The following IMMP2L variants were observed in gnomAD, a reference collection of about 807,000 sequenced individuals.
IMMP2L encodes the protein mitochondrial inner membrane protease subunit 2.
A neutral mutation model predicts 19.3 loss-of-function variants in IMMP2L; 18 were observed. That is an observed-to-expected ratio of 0.93 (90% CI 0.64 to 1.38). The LOEUF is 1.38. Ranked by LOEUF, IMMP2L falls within the 40% of genes most tolerant of loss-of-function variation. The pLI is 0.00. For synonymous variants in IMMP2L, 76 were observed against 73.0 expected (o/e 1.04, Z -0.21); for missense variants, 233 against 218.2 (o/e 1.07, Z -0.43).
At chr7:111,450,637 A>C (rs1839042071) in intron 3 of IMMP2L, among the ~76,000 whole-genome samples, 1 of 149,560 alleles carries the variant, frequency 6.7e-6, no homozygotes, top group South Asian at 2.2e-4. Flanking sequence ...ACCATTCAGG[A>C]CATAGGCGTG....
intron 3 of IMMP2L, among the ~76,000 whole-genome samples, chr7:111,315,990 T>C (rs1276564207): frequency 1.3e-5 from 2 of 152,070 alleles, no homozygotes; most frequent in Non-Finnish European, 2.9e-5. Context: ...TACACAAACA[T>C]AGATGGTATG....
intron 3 of IMMP2L, among the ~76,000 whole-genome samples, chr7:111,314,620 C>A (rs1383446798): frequency 6.6e-6 from 1 of 152,032 alleles, no homozygotes; most frequent in Non-Finnish European, 1.5e-5. Context: ...TGAAGTAATA[C>A]AATAAACTGA....
chr7:110,804,570 C>A (rs1461845494), intron 5 of IMMP2L, among the ~76,000 whole-genome samples: 1 of 152,066 alleles, frequency 6.6e-6, no homozygotes, highest in African/African-American at 2.4e-5. Context: ...TCTTGCTGGG[C>A]ACACAGCAGC....
chr7:110,704,344 C>T (rs1794498372), intron 5 of IMMP2L, among the ~76,000 whole-genome samples: 1 of 152,202 alleles, frequency 6.6e-6, no homozygotes, highest in Non-Finnish European at 1.5e-5. Context: ...AATATCACTC[C>T]TTCCTAACAT....
chr7:111,041,626 T>G (rs992925992), intron 3 of IMMP2L, among the ~76,000 whole-genome samples: 2 of 151,840 alleles, frequency 1.3e-5, no homozygotes, highest in African/African-American at 2.4e-5. Flanking sequence ...GTCACTTAAG[T>G]GTTACTAGAT....
chr7:111,143,316 AC>A (rs1803136239), intron 3 of IMMP2L, among the ~76,000 whole-genome samples: 1 of 152,002 alleles, frequency 6.6e-6, no homozygotes, highest in South Asian at 2.1e-4. Context: ...CCTACCCCCA[AC>A]CCCCAACCTC....
At chr7:111,052,758 GTATCAATAGTAA>G (rs1793115660) in intron 3 of IMMP2L, among the ~76,000 whole-genome samples, 1 of 152,078 alleles carries the variant, frequency 6.6e-6, no homozygotes, top group African/African-American at 2.4e-5. Context: ...TTGGTCACTA[GTATCAATAGTAA>G]TATCAATAGT....
chr7:111,550,925 G>T (rs1849394452), intron 1 of IMMP2L, among the ~76,000 whole-genome samples: 1 of 152,142 alleles, frequency 6.6e-6, no homozygotes, highest in Non-Finnish European at 1.5e-5. Flanking sequence ...AAAGAGGGAA[G>T]TCAGCAGATA....
chr7:111,485,338 G>A (rs894120474), intron 3 of IMMP2L, among the ~76,000 whole-genome samples: 2 of 152,032 alleles, frequency 1.3e-5, no homozygotes, highest in African/African-American at 2.4e-5. Flanking sequence ...AGTGGCTCAC[G>A]CCTGTAATCC....
intron 3 of IMMP2L, among the ~76,000 whole-genome samples, chr7:110,987,814 C>A (rs957035308): frequency 6.6e-6 from 1 of 152,126 alleles, no homozygotes; most frequent in Non-Finnish European, 1.5e-5. Context: ...TAGTTAAGAA[C>A]CATTACATTC....
At chr7:110,724,474 C>T (rs1795766439) in intron 5 of IMMP2L, 1 of 152,140 alleles carries the variant, frequency 6.6e-6, no homozygotes, top group African/African-American at 2.4e-5. Flanking sequence ...CATTCTGGAA[C>T]CAAAGTTTCT....
chr7:110,965,815 T>C (rs532481624), intron 3 of IMMP2L, among the ~76,000 whole-genome samples: 8 of 151,984 alleles, frequency 5.3e-5, no homozygotes, highest in Non-Finnish European at 1.0e-4. Flanking sequence ...AAAAATAAAT[T>C]GCTGTTGAGG....
intron 3 of IMMP2L, among the ~76,000 whole-genome samples, chr7:111,466,954 T>C (rs1840733387): frequency 6.6e-6 from 1 of 152,182 alleles, no homozygotes; most frequent in Non-Finnish European, 1.5e-5. Context: ...TTGAGCATCT[T>C]TGGATTTTGG....
intron 3 of IMMP2L, among the ~76,000 whole-genome samples, chr7:111,339,967 T>C (rs565046717): frequency 2.0e-5 from 3 of 152,136 alleles, no homozygotes; most frequent in Admixed American, 6.6e-5. Context: ...AGGCAAATTA[T>C]AGTTGTCAAA....
At chr7:111,283,762 G>A (rs1022161110) in intron 3 of IMMP2L, among the ~76,000 whole-genome samples, 2 of 151,728 alleles carry the variant, frequency 1.3e-5, no homozygotes, top group East Asian at 1.9e-4. Flanking sequence ...ACGAGGTCAG[G>A]AGATCGAGAC....
At chr7:110,750,870 T>C (rs1254898152) in intron 5 of IMMP2L, among the ~76,000 whole-genome samples, 1 of 152,014 alleles carries the variant, frequency 6.6e-6, no homozygotes, top group Non-Finnish European at 1.5e-5. Flanking sequence ...AAACAAACAA[T>C]ATTTTAATGA....
At chr7:111,412,646 C>T (rs1029120202) in intron 3 of IMMP2L, among the ~76,000 whole-genome samples, 1 of 151,650 alleles carries the variant, frequency 6.6e-6, no homozygotes, top group Admixed American at 6.6e-5. Context: ...ACAGTGTTTC[C>T]CCAAATGTGC....
At chr7:110,800,304 A>G (rs949166547) in intron 5 of IMMP2L, among the ~76,000 whole-genome samples, 2 of 152,054 alleles carry the variant, frequency 1.3e-5, no homozygotes, top group Non-Finnish European at 2.9e-5. Context: ...CAATACAGAG[A>G]GCAAATTATC....
chr7:111,439,616 C>A (rs76083350), intron 3 of IMMP2L, among the ~76,000 whole-genome samples: 2,403 of 151,980 alleles, frequency 0.016, 132 homozygotes, highest in African/African-American at 0.055. Context: ...GAGCCTTTGG[C>A]AAGTTGTAAT....
Sources: allele counts gnomAD v4.1 joint callset (sites outside exome capture counted in the v4.1 genomes callset), GRCh38; gene constraint gnomAD v4.1.1; transcripts MANE v1.5; gene names NCBI Gene and HGNC (gene_info 2026-07-23, HGNC 2026-07-21).